The following EIF4B variants were observed in gnomAD, a reference collection of about 807,000 sequenced individuals.
EIF4B encodes eukaryotic translation initiation factor 4B.
EIF4B carries 8 observed loss-of-function variants against 79.3 expected under a neutral mutation model. The ratio of observed to expected loss-of-function variants is 0.10; its 90% CI spans 0.06 to 0.18. The LOEUF is 0.18. Ranked by LOEUF, EIF4B falls within the 10% of genes least tolerant of loss-of-function variation. The probability of loss-of-function intolerance (pLI) is 1.00; values close to 1 mark genes in which losing one functional copy is unlikely to be tolerated. For synonymous variants in EIF4B, 238 were observed against 274.7 expected (o/e 0.87, Z 1.32); for missense variants, 515 against 792.4 (o/e 0.65, Z 4.20).
chr12:53,029,918 T>TG (rs924165203), intron 8 of EIF4B, among the ~76,000 whole-genome samples: 1 of 58,224 alleles, frequency 1.7e-5, no homozygotes, highest in African/African-American at 3.4e-5. Flanking sequence ...ATTCAATGTT[T>TG]GTTTTTTTTA....
Position 53,006,664 on chromosome 12 carries a change from T to TG in EIF4B, c.13+175dup, listed in dbSNP as rs1330662922. Among the ~76,000 whole-genome samples, 4 of 151,360 alleles carry TG rather than the reference T, an allele frequency of 2.6e-5. No individual in the cohort carries two copies. The East Asian group carries it at 5.9e-4, about 22-fold the overall frequency. On this transcript the variant is annotated intron_variant, in intron 1 of 14. Coordinates refer to ENST00000262056, the MANE Select transcript of EIF4B (RefSeq NM_001417.7). ...TGTTAGGTTACTGCCTCTGGATGTT[T>TG]GGGGGGGAGGGGAAGGACACCTTCC... is the stretch of plus-strand genomic sequence containing the variant.
At chr12:53,019,437 A>ATATATTTTTTTTCTTT (rs1943205076) in intron 3 of EIF4B, among the ~76,000 whole-genome samples, 2 of 51,022 alleles carry the variant, frequency 3.9e-5, no homozygotes, top group East Asian at 6.5e-4. Context: ...ATATATATAT[A>ATATATTTTTTTTCTTT]TTTTTTTTTT....
chr12:53,034,973 T>TTTC (rs2120976259), intron 10 of EIF4B, among the ~76,000 whole-genome samples: 1 of 151,338 alleles, frequency 6.6e-6, no homozygotes, highest in East Asian at 1.9e-4. Flanking sequence ...TTTTTTTTTT[T>TTTC]TTTTTGGTAT....
At position 53,011,494 on chromosome 12, in the gene EIF4B, A is replaced by G. The variant is rs191195345; in HGVS notation, c.14-4979A>G. Among the ~76,000 whole-genome samples the G allele has an allele frequency of 5.9e-5, 9 of 152,310 alleles. No individual in the cohort carries two copies. The Middle Eastern group carries it at 0.01, about 173-fold the overall frequency. On this transcript the variant is annotated intron_variant, in intron 1 of 14. Coordinates refer to ENST00000262056, the MANE Select transcript of EIF4B (RefSeq NM_001417.7). ...CACCCCAGAGCATTTGGCAGTGTCCAGAGACGCTTTTGGTTGTCAGAGTGG... is the reference window on the plus strand; with the variant it reads ...CACCCCAGAGCATTTGGCAGTGTCCGGAGACGCTTTTGGTTGTCAGAGTGG...
intron 6 of EIF4B, among the ~76,000 whole-genome samples, chr12:53,024,818 G>C (rs1364760687): frequency 6.6e-6 from 1 of 152,010 alleles, no homozygotes; most frequent in Non-Finnish European, 1.5e-5. Flanking sequence ...ACCACACCTG[G>C]CTAATTTTTG....
In EIF4B at chr12:53,040,300, G is replaced by C. The variant is rs1943611865; in HGVS notation, c.*77G>C. ...GAGAGCAAATCAAAACCTCTATCCAGACAAGACAAAATAAAACTCACCATC... is the reference window on the plus strand; with the variant it reads ...GAGAGCAAATCAAAACCTCTATCCACACAAGACAAAATAAAACTCACCATC... On this transcript the variant is annotated 3_prime_UTR_variant, in exon 15 of 15. Transcript: ENST00000262056. 5 of 1,372,316 alleles carry C rather than the reference G, an allele frequency of 3.6e-6. No individual in the cohort carries two copies. The highest frequency in any genetic ancestry group is 2.5e-5 in the South Asian group (2 of 79,494). The allele number at this position is 1,372,316 out of a possible 1,614,324, so 85.0% of individuals were successfully genotyped here. A position where few individuals can be genotyped will look rare whatever the true frequency, so the allele number is the denominator to read the frequency against.
At chr12:53,040,101 A>T (rs909580299) in intron 14 of EIF4B, 42 bp from the exon 15 acceptor site, 1 of 1,610,702 alleles carries the variant, frequency 6.2e-7, no homozygotes. Flanking sequence ...TGATGTGATA[A>T]TTCAGGGCCT....
At chr12:53,025,286 C>T (rs1051216335) in intron 6 of EIF4B, 2 of 454,182 alleles carry the variant, frequency 4.4e-6, no homozygotes, top group African/African-American at 4.0e-5. Flanking sequence ...GTTTTGAGTC[C>T]AGGGGCATGA....
intron 8 of EIF4B, 49 bp from the exon 9 acceptor site, chr12:53,033,756 TC>T: frequency 2.6e-6 from 4 of 1,529,304 alleles, no homozygotes; most frequent in Non-Finnish European, 3.5e-6. Flanking sequence ...CTTTCAGCCA[TC>T]AGCTTCTGGT....
At chr12:53,025,727 T>G (rs1307932406) in intron 6 of EIF4B, among the ~76,000 whole-genome samples, 1 of 152,194 alleles carries the variant, frequency 6.6e-6, no homozygotes, top group African/African-American at 2.4e-5. Flanking sequence ...ATATAAAGTT[T>G]ATAATACCAG....
chr12:53,017,616 A>T (rs780392075), intron 2 of EIF4B, among the ~76,000 whole-genome samples: 1 of 151,948 alleles, frequency 6.6e-6, no homozygotes, highest in Non-Finnish European at 1.5e-5. Context: ...ATTTTTTTTG[A>T]GACAGAGTCT....
At position 53,041,907 on chromosome 12, in the gene EIF4B, AAACT is replaced by A. The variant is rs1328280458; in HGVS notation, c.*1686_*1689del. The A allele has an allele frequency of 1.3e-5, 2 of 152,494 alleles. No homozygotes were observed. Among genetic ancestry groups the A allele is most frequent in the African/African-American group, 4.8e-5 (2 of 41,416 alleles). The allele number at this position is 152,494 out of a possible 1,614,324, so 9.4% of individuals were successfully genotyped here. A position where few individuals can be genotyped will look rare whatever the true frequency, so the allele number is the denominator to read the frequency against. On this transcript the variant is annotated 3_prime_UTR_variant, in exon 15 of 15. Coordinates refer to ENST00000262056, the MANE Select transcript of EIF4B (RefSeq NM_001417.7). ...TCTTTCTTTTTTAAAAAAGAAAAAC[AAACT>A]ATTGATTGTAGATAATGAAAAGCTA...
At position 53,039,269 on chromosome 12, in the gene EIF4B, A is replaced by C. The variant is rs369772909; in HGVS notation, c.1608A>C (p.Pro536=). 1,074 of 1,610,054 alleles carry C rather than the reference A, an allele frequency of 6.7e-4. 1 individual carries two copies. The highest frequency in any genetic ancestry group is 8.5e-4 in the Non-Finnish European group (1,003 of 1,177,702). ...ATAAAGTAGATGGGATGAATGCCCC[A>C]AAAGGCCAAACTGGGAACTCTAGCC... ...DENKVDGMNA[P]KGQTGNSSRG... is the part of the protein sequence containing the mutation. Residue 536 remains proline (P), a synonymous_variant, in exon 13 of 15, where the codon CCA becomes CCC. Coordinates refer to ENST00000262056, the MANE Select transcript of EIF4B (RefSeq NM_001417.7).
At chr12:53,018,700 G>C in intron 2 of EIF4B, 98 bp from the exon 3 acceptor site, 1 of 1,399,472 alleles carries the variant, frequency 7.1e-7, no homozygotes, top group Non-Finnish European at 1.0e-6. Context: ...TTCTTGTATA[G>C]CATGTTTAAT....
chr12:53,022,646 A>C lies in EIF4B; in HGVS notation c.667+19A>C, dbSNP rs751466390. ...GGAGACAGTAAGTTTGTTTTTATGA[A>C]GTTAGCTTCCTCTGTGCTTTGGGAG... is the stretch of plus-strand genomic sequence containing the variant. On this transcript the variant is annotated intron_variant, in intron 6 of 14. Transcript: ENST00000262056. The C allele has an allele frequency of 1.4e-5, 22 of 1,611,660 alleles. No individual in the cohort carries two copies. The East Asian group carries it at 4.5e-4, about 33-fold the overall frequency.
chr12:53,032,404 G>C (rs1419693083), intron 8 of EIF4B, among the ~76,000 whole-genome samples: 1 of 152,172 alleles, frequency 6.6e-6, no homozygotes, highest in African/African-American at 2.4e-5. Flanking sequence ...CTGCCCTCCA[G>C]CCTGGGTGAC....
At chr12:53,034,543 G>T in intron 9 of EIF4B, 69 bp from the exon 10 acceptor site, 1 of 1,461,302 alleles carries the variant, frequency 6.8e-7, no homozygotes, top group Non-Finnish European at 9.6e-7. Flanking sequence ...TTCTTGAGGG[G>T]TCAGCATGGG....
In EIF4B at chr12:53,027,850, C is replaced by A; in HGVS notation, c.736C>A (p.Arg246Ser). The change falls in exon 7 of 15, where the codon CGC (arginine) becomes AGC (serine). Residue 246 changes from arginine (R) to serine (S), a missense_variant. This residue lies in a region of EIF4B where 187 missense variants were observed against 256.5 expected (regional missense o/e 0.73). Transcript: ENST00000262056. ...TCGGGATGGGTATCGGGATGGCCCA[C>A]GCCGGGATATGGATCGATATGGTGG... Reference protein sequence around the residue: ...GYRDGYRDGPRRDMDRYGGRD... With the variant: ...GYRDGYRDGPSRDMDRYGGRD... The A allele has an allele frequency of 6.2e-7, 1 of 1,614,212 alleles. No homozygotes were observed. The highest frequency in any genetic ancestry group is 8.5e-7 in the Non-Finnish European group (1 of 1,180,048).
chr12:53,009,277 A>G (rs564806082), intron 1 of EIF4B, among the ~76,000 whole-genome samples: 1 of 152,174 alleles, frequency 6.6e-6, no homozygotes, highest in Non-Finnish European at 1.5e-5. Context: ...TAATCCCAGC[A>G]CTTTGGGAAG....
Sources: gnomAD v4.1 joint callset for allele counts (sites outside exome capture counted in the v4.1 genomes callset) on GRCh38, gnomAD v4.1.1 for gene constraint, gnomAD v4.1.1 regional missense constraint, MANE v1.5 for transcripts, NCBI Gene and HGNC (gene_info 2026-07-23, HGNC 2026-07-21) for gene names.